The following PLD1 variants were observed in gnomAD, a reference collection of about 807,000 sequenced individuals.
PLD1 encodes the protein phospholipase D1, also known as choline phosphatase 1.
Under a neutral mutation model 137.1 loss-of-function variants are expected in PLD1, and 112 were observed. The ratio of observed to expected loss-of-function variants is 0.82; its 90% CI spans 0.70 to 0.96. PLD1 has a LOEUF of 0.96. Ranked by LOEUF, PLD1 falls within the 40% of genes least tolerant of loss-of-function variation. The pLI is 0.00. For synonymous variants in PLD1, 431 were observed against 454.7 expected (o/e 0.95, Z 0.66); for missense variants, 1,321 against 1,342.0 (o/e 0.98, Z 0.24).
At chr3:171,731,700 AG>A (rs951286347) in intron 6 of PLD1, among the ~76,000 whole-genome samples, 2 of 152,036 alleles carry the variant, frequency 1.3e-5, no homozygotes, top group Non-Finnish European at 2.9e-5. Context: ...TGAACCCGGG[AG>A]GCGGCGGTTG....
intron 4 of PLD1, 89 bp downstream of exon 4, chr3:171,735,403 T>G: frequency 9.2e-5 from 99 of 1,078,090 alleles, no homozygotes; most frequent in Middle Eastern, 2.0e-4. Context: ...CCCAAAGTGG[T>G]GAGATTACAG....
chr3:171,610,973 T>C (rs1052807268), intron 25 of PLD1, among the ~76,000 whole-genome samples: 10 of 152,322 alleles, frequency 6.6e-5, no homozygotes, highest in African/African-American at 2.2e-4. Context: ...TCTGGATTGG[T>C]AGGAATGAGC....
At chr3:171,789,074 C>G (rs756188661) in intron 1 of PLD1, 7 of 152,188 alleles carry the variant, frequency 4.6e-5, no homozygotes, top group Non-Finnish European at 8.8e-5. Context: ...TGTGCACAAA[C>G]AAAGCTGTGC....
Position 171,735,592 on chromosome 3 carries a change from A to T in PLD1, c.334T>A (p.Phe112Ile), listed in dbSNP as rs1216668208. ...LYTIELTHGEFKWQVKRKFKH... is the reference protein window; with the variant it reads ...LYTIELTHGEIKWQVKRKFKH... ...AATTTCCTCTTAACTTGCCATTTAAATTCCCCATGTGTTAATTCAATAGTG... is the reference window on the plus strand; with the variant it reads ...AATTTCCTCTTAACTTGCCATTTAATTTCCCCATGTGTTAATTCAATAGTG... The change falls in exon 4 of 27, where the codon TTT becomes ATT. Residue 112 changes from phenylalanine to isoleucine, a missense_variant. Phe to Ile is a conservative substitution (Grantham distance 21, BLOSUM62 0). Coordinates refer to ENST00000351298, the MANE Select transcript of PLD1 (RefSeq NM_002662.5). 1 of 1,564,634 alleles carries T rather than the reference A, an allele frequency of 6.4e-7. No individual in the cohort carries two copies. The highest frequency in any genetic ancestry group is 1.1e-5 in the South Asian group (1 of 90,008).
chr3:171,685,623 A>G, intron 16 of PLD1, among the ~76,000 whole-genome samples: 1 of 152,164 alleles, frequency 6.6e-6, no homozygotes, highest in East Asian at 1.9e-4. Flanking sequence ...TTAGCTTATG[A>G]TCTTACTAGT....
intron 9 of PLD1, among the ~76,000 whole-genome samples, chr3:171,711,035 G>A (rs1218582322): frequency 6.0e-5 from 9 of 151,160 alleles, no homozygotes; most frequent in Admixed American, 2.6e-4. Flanking sequence ...CTCCACGCCC[G>A]GCTAATTTTG....
Position 171,674,557 on chromosome 3 carries a change from T to C in PLD1, c.2172A>G (p.Gln724=), listed in dbSNP as rs1205821842. ...LSYPFLLPKS[Q]TTAHELRYQV... is the part of the protein sequence containing the mutation. The stretch of plus-strand genomic sequence containing the variant: ...GATATCTCAACTCATGGGCTGTTGT[T>C]TGAGACTTTGGAAGCAGAAAAGGAT... Residue 724 remains glutamine (Q), a synonymous_variant, in exon 19 of 27, where the codon CAA becomes CAG. Coordinates refer to ENST00000351298, the MANE Select transcript of PLD1 (RefSeq NM_002662.5). 1 of 1,611,840 alleles carries C rather than the reference T, an allele frequency of 6.2e-7. No individual in the cohort carries two copies. Among genetic ancestry groups the C allele is most frequent in the African/African-American group, 1.3e-5 (1 of 74,860 alleles).
At chr3:171,799,152 A>C (rs1723546544) in intron 1 of PLD1, among the ~76,000 whole-genome samples, 1 of 152,102 alleles carries the variant, frequency 6.6e-6, no homozygotes, top group Non-Finnish European at 1.5e-5. Flanking sequence ...CAGCCTGACC[A>C]ACACGGTGAA....
chr3:171,622,809 A>C (rs1733751158), intron 23 of PLD1, among the ~76,000 whole-genome samples: 1 of 150,974 alleles, frequency 6.6e-6, no homozygotes, highest in African/African-American at 2.4e-5. Context: ...ATCAGTAATA[A>C]AATTATATCA....
chr3:171,787,814 T>C (rs1037621420), intron 1 of PLD1, among the ~76,000 whole-genome samples: 17 of 151,950 alleles, frequency 1.1e-4, no homozygotes, highest in African/African-American at 4.1e-4. Flanking sequence ...TTAATGAAAT[T>C]TAGATATTAT....
chr3:171,663,044 G>A lies in PLD1; in HGVS notation c.2230-874C>T, dbSNP rs114819183. Among the ~76,000 whole-genome samples, 1,373 of 152,246 alleles carry A rather than the reference G, an allele frequency of 9.0e-3. 16 individuals are homozygous for A. Among genetic ancestry groups the A allele is most frequent in the African/African-American group, 0.031 (1,299 of 41,532 alleles). ...CCCATCACCTCAGATTAAACCCATC[G>A]AAGTGGAGCTCCTGACTTTTTTCTC... On this transcript the variant is annotated intron_variant, in intron 19 of 26. Transcript: ENST00000351298.
intron 1 of PLD1, among the ~76,000 whole-genome samples, chr3:171,780,678 A>G (rs1722763702): frequency 6.6e-6 from 1 of 152,198 alleles, no homozygotes; most frequent in African/African-American, 2.4e-5. Flanking sequence ...AAAGAGGAAG[A>G]TTGAGAACTG....
In PLD1 at chr3:171,786,713, G is replaced by A. The variant is rs377385999; in HGVS notation, c.-32+23686C>T. Reference sequence around the variant, plus strand: ...TCCATGTCAGTTGAGCTTCTGTGTCGTTTAATTACTTACTCAAAATACAAA... The same window carrying A: ...TCCATGTCAGTTGAGCTTCTGTGTCATTTAATTACTTACTCAAAATACAAA... On this transcript the variant is annotated intron_variant, in intron 1 of 26. Transcript: ENST00000351298. Among the ~76,000 whole-genome samples, 23 of 152,090 alleles carry A rather than the reference G, an allele frequency of 1.5e-4. 1 individual carries two copies. The highest frequency in any genetic ancestry group is 5.5e-4 in the African/African-American group (23 of 41,478).
chr3:171,614,672 T>C (rs1423339216), intron 24 of PLD1, among the ~76,000 whole-genome samples: 2 of 152,234 alleles, frequency 1.3e-5, no homozygotes, highest in East Asian at 1.9e-4. Flanking sequence ...AGCTCAAAGA[T>C]TGAAGATCCC....
At chr3:171,687,282 A>C in intron 15 of PLD1, 89 bp downstream of exon 15, 1 of 1,076,718 alleles carries the variant, frequency 9.3e-7, no homozygotes, top group East Asian at 2.4e-5. Context: ...CCATTACAGA[A>C]AGACAGATTT....
chr3:171,752,550 G>A (rs1357603350), intron 1 of PLD1, among the ~76,000 whole-genome samples: 3 of 152,168 alleles, frequency 2.0e-5, no homozygotes, highest in African/African-American at 7.2e-5. Context: ...ACATTAATCT[G>A]TGATCACAGC....
At chr3:171,713,804 T>G in intron 9 of PLD1, 89 bp downstream of exon 9, 1 of 1,184,074 alleles carries the variant, frequency 8.4e-7, no homozygotes, top group South Asian at 1.3e-5. Flanking sequence ...TTCTAACACT[T>G]TTTAAACTCC....
chr3:171,713,217 T>C (rs990431338), intron 9 of PLD1, among the ~76,000 whole-genome samples: 1 of 152,184 alleles, frequency 6.6e-6, no homozygotes, highest in African/African-American at 2.4e-5. Context: ...CCCAGCACTG[T>C]GGAAGGCCGA....
chr3:171,661,214 T>A (rs1326097935), intron 20 of PLD1, among the ~76,000 whole-genome samples: 1 of 152,158 alleles, frequency 6.6e-6, no homozygotes, highest in Non-Finnish European at 1.5e-5. Flanking sequence ...TGCTTGTCTC[T>A]AATGAATTGT....
Sources: gnomAD v4.1 joint callset for allele counts (sites outside exome capture counted in the v4.1 genomes callset) on GRCh38, gnomAD v4.1.1 for gene constraint, MANE v1.5 for transcripts, NCBI Gene and HGNC (gene_info 2026-07-23, HGNC 2026-07-21) for gene names.